The following HCRTR2 variants were observed in gnomAD, a reference collection of about 807,000 sequenced individuals.
HCRTR2 encodes the protein hypocretin receptor 2.
In HCRTR2, 22 loss-of-function variants were observed where a neutral mutation model predicts 49.0. The ratio of observed to expected loss-of-function variants is 0.45; its 90% CI spans 0.32 to 0.64. HCRTR2 has a LOEUF of 0.64. Among genes scored for constraint, HCRTR2 ranks in the 30% least tolerant of loss-of-function variants. The probability of loss-of-function intolerance (pLI) is 0.04; values close to 1 mark genes in which losing one functional copy is unlikely to be tolerated. For synonymous variants in HCRTR2, 236 were observed against 205.3 expected (o/e 1.15, Z -1.28); for missense variants, 491 against 559.4 (o/e 0.88, Z 1.23).
upstream of HCRTR2, among the ~76,000 whole-genome samples, chr6:55,171,013 G>T (rs569664756): frequency 3.3e-5 from 5 of 151,888 alleles, no homozygotes; most frequent in African/African-American, 1.2e-4. Context: ...CCAAGTCTTT[G>T]CTATTGTGAA....
At chr6:55,233,705 CAAAT>C (rs149411463) in intron 1 of HCRTR2, among the ~76,000 whole-genome samples, 1 of 151,650 alleles carries the variant, frequency 6.6e-6, no homozygotes, top group Non-Finnish European at 1.5e-5. Context: ...TAAAGAATAA[CAAAT>C]AAATAAATAA....
At chr6:55,228,119 T>A (rs1766046365) in intron 1 of HCRTR2, among the ~76,000 whole-genome samples, 2 of 151,938 alleles carry the variant, frequency 1.3e-5, no homozygotes, top group Non-Finnish European at 2.9e-5. Flanking sequence ...CAGTGATGAA[T>A]AACAGAACCT....
Position 55,122,972 on chromosome 6 carries a change from TG to T in HCRTR2, c.-378+16433del, listed in dbSNP as rs1390386586. On this transcript the variant is annotated intron_variant, in intron 1 of 7. Coordinates refer to the HCRTR2 transcript ENST00000615358. ...TCACACACTGGGGCCTGTTGTGGGG[TG>T]GGGGGAGGGGGAAGGGATAGCATTA... Among the ~76,000 whole-genome samples the T allele has an allele frequency of 1.4e-4, 8 of 57,618 alleles. No individual in the cohort carries two copies. The Admixed American group carries it at 1.5e-3, about 11-fold the overall frequency. 37.8% of individuals were successfully genotyped at this position (57,618 alleles called of 152,430 possible).
intron 1 of HCRTR2, among the ~76,000 whole-genome samples, chr6:55,195,766 A>C (rs3134693): frequency 6.6e-6 from 1 of 151,916 alleles, no homozygotes; most frequent in African/African-American, 2.4e-5. Context: ...GATCAGGAGA[A>C]TGAGACCATC....
intron 1 of HCRTR2, among the ~76,000 whole-genome samples, chr6:55,219,231 A>G (rs1765845351): frequency 6.6e-6 from 1 of 152,228 alleles, no homozygotes; most frequent in South Asian, 2.1e-4. Flanking sequence ...TCCATCTAAC[A>G]GCACCAGAAT....
intron 1 of HCRTR2, among the ~76,000 whole-genome samples, chr6:55,240,227 G>A (rs1044062624): frequency 9.9e-5 from 15 of 151,540 alleles, no homozygotes; most frequent in African/African-American, 2.7e-4. Flanking sequence ...GCGCGGTGGC[G>A]GGCGCCTGTA....
intron 1 of HCRTR2, among the ~76,000 whole-genome samples, chr6:55,135,918 C>T (rs1411856915): frequency 6.6e-6 from 1 of 152,002 alleles, no homozygotes; most frequent in East Asian, 1.9e-4. Flanking sequence ...AAACCATATC[C>T]CCAGCATTTC....
intron 3 of HCRTR2, 80 bp downstream of exon 3, chr6:55,255,459 G>T (rs1470051988): frequency 1.0e-5 from 15 of 1,506,284 alleles, no homozygotes; most frequent in African/African-American, 1.4e-5. Context: ...CCATTGTAAA[G>T]CTGGGCTTAT....
intron 1 of HCRTR2, among the ~76,000 whole-genome samples, chr6:55,207,332 A>T (rs1765618834): frequency 6.6e-6 from 1 of 152,150 alleles, no homozygotes; most frequent in Non-Finnish European, 1.5e-5. Context: ...AAAATGTAAT[A>T]TGTAGAACAG....
rs187736515 is a variant in HCRTR2 at position 55,211,848 on chromosome 6, C to T, written c.224-36791C>T. On this transcript the variant is annotated intron_variant, in intron 1 of 6. Coordinates refer to ENST00000370862, the MANE Select transcript of HCRTR2 (RefSeq NM_001384272.1). ...GGTACTGGGATATGTTCTTGCACAG[C>T]ATGCTGTGCTAATGTCACAATGGCT... 3.3e-5 allele frequency among the ~76,000 whole-genome samples: 5 copies of T among 152,284 alleles called. No homozygotes were observed. In the East Asian group the frequency reaches 9.7e-4, roughly 29 times the overall value.
At chr6:55,111,377 T>C (rs1466353353) in intron 1 of HCRTR2, among the ~76,000 whole-genome samples, 2 of 152,030 alleles carry the variant, frequency 1.3e-5, no homozygotes, top group African/African-American at 2.4e-5. Context: ...AACAAAAAGC[T>C]GTTTCTTTGA....
chr6:55,171,653 A>T (rs1764951188), upstream of HCRTR2, among the ~76,000 whole-genome samples: 1 of 152,236 alleles, frequency 6.6e-6, no homozygotes. Flanking sequence ...TCATAGATAG[A>T]AGGAAATGGA....
chr6:55,252,156 G>A (rs1450960374), intron 2 of HCRTR2, among the ~76,000 whole-genome samples: 4 of 152,098 alleles, frequency 2.6e-5, no homozygotes, highest in Non-Finnish European at 5.9e-5. Flanking sequence ...CTCACTGATT[G>A]TCAAGGGTTC....
chr6:55,255,425 A>T, intron 3 of HCRTR2, 46 bp downstream of exon 3: 2 of 1,604,970 alleles, frequency 1.2e-6, no homozygotes, highest in South Asian at 2.2e-5. Context: ...TTACAGCAGC[A>T]AATTGAAAAT....
chr6:55,254,493 A>T (rs529490681), intron 2 of HCRTR2, among the ~76,000 whole-genome samples: 2 of 152,160 alleles, frequency 1.3e-5, no homozygotes, highest in Admixed American at 6.6e-5. Context: ...TTGGAATCAC[A>T]TTGACTAGGC....
At chr6:55,257,506 C>T (rs531751354) in intron 3 of HCRTR2, among the ~76,000 whole-genome samples, 63 of 151,796 alleles carry the variant, frequency 4.2e-4, no homozygotes, top group Non-Finnish European at 7.8e-4. Context: ...TTATGGGTTG[C>T]TTTTATAAGC....
chr6:55,216,221 A>C (rs764995585), intron 1 of HCRTR2, among the ~76,000 whole-genome samples: 2 of 152,198 alleles, frequency 1.3e-5, no homozygotes, highest in Non-Finnish European at 2.9e-5. Context: ...CATTAGTATT[A>C]AGTTTTAACA....
intron 1 of HCRTR2, among the ~76,000 whole-genome samples, chr6:55,228,634 C>A (rs1459091199): frequency 6.6e-6 from 1 of 152,036 alleles, no homozygotes; most frequent in East Asian, 1.9e-4. Flanking sequence ...CACCAATAGC[C>A]CCTGAGATAT....
Position 55,174,665 on chromosome 6 carries a change from G to A in HCRTR2, c.78G>A (p.Glu26=), listed in dbSNP as rs757110990. ...CTTCGGAGCTGAATGAAACTCAAGA[G>A]CCCTTTTTAAACCCCACCGACTATG... is the stretch of plus-strand genomic sequence containing the variant. ...SSASELNETQ[E]PFLNPTDYDD... The change falls in exon 1 of 7, where the codon GAG becomes GAA. Residue 26 remains glutamate (E), a synonymous_variant. Coordinates refer to ENST00000370862, the MANE Select transcript of HCRTR2 (RefSeq NM_001384272.1). 1.9e-6 allele frequency: 3 copies of A among 1,614,064 alleles called. No individual in the cohort carries two copies. In the Admixed American group the frequency reaches 5.0e-5, roughly 27 times the overall value.
Sources: allele counts gnomAD v4.1 joint callset (sites outside exome capture counted in the v4.1 genomes callset), GRCh38; gene constraint gnomAD v4.1.1; transcripts MANE v1.5; gene names NCBI Gene and HGNC (gene_info 2026-07-23, HGNC 2026-07-21).